The following PACRG variants were observed in gnomAD, a reference collection of about 807,000 sequenced individuals.
PACRG encodes the protein parkin coregulated gene protein.
A neutral mutation model predicts 29.7 loss-of-function variants in PACRG; 29 were observed. That is an observed-to-expected ratio of 0.98 (90% CI 0.73 to 1.33). PACRG has a LOEUF of 1.33. Among genes scored for constraint, PACRG ranks in the 40% most tolerant of loss-of-function variants. The pLI is 0.00. For synonymous variants in PACRG, 116 were observed against 118.7 expected, an observed-to-expected ratio of 0.98 and a Z score of 0.15; for missense variants, 279 against 316.2, an observed-to-expected ratio of 0.88 and a Z score of 0.89.
chr6:162,968,370 A>G (rs1389443500), intron 2 of PACRG, among the ~76,000 whole-genome samples: 2 of 152,258 alleles, frequency 1.3e-5, no homozygotes, highest in Non-Finnish European at 2.9e-5. Flanking sequence ...TTCTGCAAGA[A>G]TATTGTCAAA....
chr6:163,278,325 C>A (rs943113973), intron 4 of PACRG, among the ~76,000 whole-genome samples: 1 of 152,092 alleles, frequency 6.6e-6, no homozygotes, highest in Non-Finnish European at 1.5e-5. Flanking sequence ...TGTGCAGAAG[C>A]TTTTTAGTTT....
intron 2 of PACRG, among the ~76,000 whole-genome samples, chr6:163,018,245 T>C (rs1806285667): frequency 6.6e-6 from 1 of 152,202 alleles, no homozygotes; most frequent in Non-Finnish European, 1.5e-5. Flanking sequence ...TTTTTACTAC[T>C]GTAGCTACAC....
intron 3 of PACRG, among the ~76,000 whole-genome samples, chr6:163,080,418 T>C (rs940873637): frequency 6.6e-6 from 1 of 151,876 alleles, no homozygotes; most frequent in African/African-American, 2.4e-5. Context: ...ACTCTCAGTT[T>C]CTGTGAGACG....
rs188076088 is a variant in PACRG at position 162,763,134 on chromosome 6, C to T, written c.156+34743C>T. Among the ~76,000 whole-genome samples the T allele has an allele frequency of 2.6e-5, 4 of 152,232 alleles. No homozygotes were observed. The East Asian group carries it at 7.7e-4, about 29-fold the overall frequency. ...CAATATCCATTCAAACTTGAAATGCCCTTGATTAATAAAAATACATGTGAC... is the reference window on the plus strand; with the variant it reads ...CAATATCCATTCAAACTTGAAATGCTCTTGATTAATAAAAATACATGTGAC... On this transcript the variant is annotated intron_variant, in intron 1 of 4. Transcript: ENST00000366888.
At chr6:162,994,853 T>C (rs1409570527) in intron 2 of PACRG, among the ~76,000 whole-genome samples, 1 of 150,770 alleles carries the variant, frequency 6.6e-6, no homozygotes, top group Non-Finnish European at 1.5e-5. Context: ...TGTTCTGTTT[T>C]TTCCCCATCT....
Position 163,115,620 on chromosome 6 carries a change from G to A in PACRG, c.613+26212G>A, listed in dbSNP as rs1585233341. ...ACCTGAAGGATGAAAACTGATTGAC[G>A]GACTTGAGTTGAAAATAAAAACAAG... On this transcript the variant is annotated intron_variant, in intron 4 of 4. Transcript: ENST00000366888. Among the ~76,000 whole-genome samples the A allele has an allele frequency of 2.0e-5, 3 of 151,792 alleles. No individual in the cohort carries two copies. In the South Asian group the frequency reaches 6.2e-4, roughly 32 times the overall value.
At chr6:162,903,326 ATAATT>A (rs148167888) in intron 2 of PACRG, among the ~76,000 whole-genome samples, 2,364 of 152,286 alleles carry the variant, frequency 0.016, 61 homozygotes, top group African/African-American at 0.055. Flanking sequence ...TAATATGTTA[ATAATT>A]TAAATACCCA....
chr6:162,830,204 A>T (rs1198692977), intron 2 of PACRG, among the ~76,000 whole-genome samples: 2 of 152,028 alleles, frequency 1.3e-5, no homozygotes, highest in African/African-American at 4.8e-5. Flanking sequence ...GGGGATTAAG[A>T]TCTTGTGCTT....
intron 2 of PACRG, among the ~76,000 whole-genome samples, chr6:162,863,513 A>G (rs1172180464): frequency 6.6e-6 from 1 of 152,214 alleles, no homozygotes; most frequent in East Asian, 1.9e-4. Context: ...CAACCAAACA[A>G]AAGAGGATGG....
intron 2 of PACRG, among the ~76,000 whole-genome samples, chr6:162,837,055 G>A (rs371442565): frequency 1.5e-4 from 23 of 152,186 alleles, no homozygotes; most frequent in African/African-American, 5.5e-4. Context: ...ACCTGATTCA[G>A]AGATGGAAAT....
chr6:162,865,767 A>T (rs1481469132), intron 2 of PACRG, among the ~76,000 whole-genome samples: 1 of 152,160 alleles, frequency 6.6e-6, no homozygotes, highest in Admixed American at 6.5e-5. Context: ...AACATAGCTA[A>T]ATAGAACCTT....
chr6:162,893,066 C>CCGGAGAACCACGTCAGCCTCAGGAG (rs1421512220), intron 2 of PACRG, among the ~76,000 whole-genome samples: 124 of 151,960 alleles, frequency 8.2e-4, no homozygotes, highest in Admixed American at 1.2e-3. Flanking sequence ...CGGCCCACAC[C>CCGGAGAACCACGTCAGCCTCAGGAG]CCTCTACCTC....
At position 163,055,491 on chromosome 6, in the gene PACRG, AATT is replaced by A. The variant is rs1562872388; in HGVS notation, c.292-6653_292-6651del. ...GGCCAAATTCATCCACTGAAAACAA[AATT>A]ATTATAATAAAAAGGAACCCTGGAA... On this transcript the variant is annotated intron_variant, in intron 2 of 4. Transcript: ENST00000366888. The surrounding 1 kb of genome is among the most constrained non-coding windows in gnomAD (Gnocchi z 4.0). 6.6e-6 allele frequency among the ~76,000 whole-genome samples: 1 copy of A among 152,184 alleles called. No homozygotes were observed. Among genetic ancestry groups the A allele is most frequent in the African/African-American group, 2.4e-5 (1 of 41,440 alleles).
chr6:162,971,355 T>G, intron 2 of PACRG, among the ~76,000 whole-genome samples: 1 of 152,212 alleles, frequency 6.6e-6, no homozygotes, highest in East Asian at 1.9e-4. Flanking sequence ...GAAGTCAGTT[T>G]TTATAGATAT....
chr6:163,065,626 G>T (rs756531931), intron 3 of PACRG, among the ~76,000 whole-genome samples: 1 of 152,152 alleles, frequency 6.6e-6, no homozygotes, highest in Non-Finnish European at 1.5e-5. Context: ...CGGAGGAAAA[G>T]AATACCTCAA....
At chr6:163,135,993 G>A (rs2128331747) in intron 4 of PACRG, among the ~76,000 whole-genome samples, 1 of 152,110 alleles carries the variant, frequency 6.6e-6, no homozygotes, top group Non-Finnish European at 1.5e-5. Context: ...TTATCAATTT[G>A]TGGTATTTTA....
At chr6:163,163,374 C>T (rs1021871017) in intron 4 of PACRG, among the ~76,000 whole-genome samples, 6 of 152,080 alleles carry the variant, frequency 3.9e-5, no homozygotes, top group Admixed American at 2.0e-4. Context: ...AGGGTTCAAG[C>T]GATTCTCCTG....
intron 1 of PACRG, among the ~76,000 whole-genome samples, chr6:162,801,861 T>C (rs1158509562): frequency 6.6e-6 from 1 of 152,156 alleles, no homozygotes; most frequent in East Asian, 1.9e-4. Flanking sequence ...ATTTAACTGT[T>C]AACTACAAAA....
At chr6:163,269,147 A>G (rs1783643114) in intron 4 of PACRG, among the ~76,000 whole-genome samples, 1 of 152,224 alleles carries the variant, frequency 6.6e-6, no homozygotes, top group Admixed American at 6.5e-5. Context: ...TCCAAGAAAG[A>G]TACAAAAGAT....
Sources: allele counts gnomAD v4.1 joint callset (sites outside exome capture counted in the v4.1 genomes callset), GRCh38; gene constraint gnomAD v4.1.1; non-coding constraint Gnocchi (gnomAD v3.1); transcripts MANE v1.5; gene names NCBI Gene and HGNC (gene_info 2026-07-23, HGNC 2026-07-21).